Variants in PAQR7 observed in about 807,000 individuals in gnomAD.
The protein encoded by PAQR7 is membrane progestin receptor alpha.
PAQR7 carries 14 observed loss-of-function variants against 24.6 expected under a neutral mutation model. That is an observed-to-expected ratio of 0.57 (90% CI 0.38 to 0.89). The LOEUF (loss-of-function observed/expected upper bound fraction) is 0.89. Among genes scored for constraint, PAQR7 ranks in the 40% least tolerant of loss-of-function variants. PAQR7 has a pLI of 0.00. For synonymous variants in PAQR7, 189 were observed against 198.8 expected (o/e 0.95, Z 0.42); for missense variants, 351 against 444.0 (o/e 0.79, Z 1.88).
chr1:25,874,522 A>T (rs2048633050), intron 1 of PAQR7, among the ~76,000 whole-genome samples: 1 of 152,128 alleles, frequency 6.6e-6, no homozygotes. Context: ...CTGGACAGAG[A>T]AACTAAGGCT....
At position 25,863,191 on chromosome 1, in the gene PAQR7, C is replaced by A; in HGVS notation, c.649G>T (p.Asp217Tyr). Reference sequence around the variant, plus strand: ...ATACGATGCACCACAGGACTAATGTCCAGTGCGTAGGCCAGGACGGAGGGC... The same window carrying A: ...ATACGATGCACCACAGGACTAATGTACAGTGCGTAGGCCAGGACGGAGGGC... ...EVPSVLAYAL[D>Y]ISPVVHRIFV... The change falls in exon 3 of 3, where the codon GAC becomes TAC. Residue 217 changes from aspartate to tyrosine, a missense_variant. Transcript: ENST00000675840. The surrounding 1 kb of genome is among the most constrained non-coding windows in gnomAD (Gnocchi z 6.1). 1.2e-6 allele frequency: 2 copies of A among 1,614,216 alleles called. No individual in the cohort carries two copies. Among genetic ancestry groups the A allele is most frequent in the Non-Finnish European group, 1.7e-6 (2 of 1,180,044 alleles).
Position 25,862,791 on chromosome 1 carries a change from A to G in PAQR7, c.*8T>C, listed in dbSNP as rs1297620249. 1.2e-6 allele frequency: 2 copies of G among 1,609,468 alleles called. No individual in the cohort carries two copies. Among genetic ancestry groups the G allele is most frequent in the Non-Finnish European group, 1.7e-6 (2 of 1,177,092 alleles). On this transcript the variant is annotated 3_prime_UTR_variant, in exon 3 of 3. Transcript: ENST00000675840. ...TATACCTCCCTCCCTACCAGATGCC[A>G]TCCCCCTTCACTTGGTCTTCTGATC...
In PAQR7 at chr1:25,862,733, C is replaced by G; in HGVS notation, c.*66G>C. 3 of 1,501,328 alleles carry G rather than the reference C, an allele frequency of 2.0e-6. No individual in the cohort carries two copies. The highest frequency in any genetic ancestry group is 2.7e-6 in the Non-Finnish European group (3 of 1,103,290). The allele number at this position is 1,501,328 out of a possible 1,614,324, so 93.0% of individuals were successfully genotyped here. On this transcript the variant is annotated 3_prime_UTR_variant, in exon 3 of 3. Transcript: ENST00000675840. ...ACAACTTTACCAGGCCTTGTTCCCA[C>G]CTGGAGCCAAACCCAGACCCCTGTC...
chr1:25,868,280 G>A lies in PAQR7; in HGVS notation c.-23+2329C>T, dbSNP rs530427302. On this transcript the variant is annotated intron_variant, in intron 2 of 2. Coordinates refer to ENST00000675840, the MANE Select transcript of PAQR7 (RefSeq NM_178422.6). The stretch of plus-strand genomic sequence containing the variant: ...AGCAAGGTTTCTATTCCACTACTGC[G>A]GCAAAGACCAGCGAATGATGGCGAT... Among the ~76,000 whole-genome samples, 10 of 152,278 alleles carry A rather than the reference G, an allele frequency of 6.6e-5. No individual in the cohort carries two copies. The East Asian group carries it at 7.7e-4, about 12-fold the overall frequency.
chr1:25,872,202 G>A (rs1400502677), intron 1 of PAQR7, among the ~76,000 whole-genome samples: 3 of 152,202 alleles, frequency 2.0e-5, no homozygotes, highest in Non-Finnish European at 4.4e-5. Flanking sequence ...GATGCCAGGT[G>A]TTGGCTCTGG....
chr1:25,868,815 C>T (rs772715272), intron 2 of PAQR7, among the ~76,000 whole-genome samples: 7 of 151,504 alleles, frequency 4.6e-5, no homozygotes, highest in Admixed American at 6.6e-5. Flanking sequence ...GGATTCCTTC[C>T]GTAGTAATAA....
chr1:25,865,291 T>C (rs1024808401), intron 2 of PAQR7, among the ~76,000 whole-genome samples: 1 of 152,242 alleles, frequency 6.6e-6, no homozygotes, highest in Admixed American at 6.5e-5. Flanking sequence ...TGATTGTTCA[T>C]GTGAGCTCAT....
intron 2 of PAQR7, among the ~76,000 whole-genome samples, chr1:25,867,579 T>C (rs928320733): frequency 6.6e-6 from 1 of 152,334 alleles, no homozygotes; most frequent in African/African-American, 2.4e-5. Context: ...TTATTGTGAC[T>C]ACCTCTGCAC....
intron 1 of PAQR7, among the ~76,000 whole-genome samples, chr1:25,872,722 G>C (rs555746784): frequency 6.7e-6 from 1 of 149,878 alleles, no homozygotes; most frequent in African/African-American, 2.5e-5. Flanking sequence ...TGTTGCCCAG[G>C]CTGGTCTCGA....
intron 1 of PAQR7, among the ~76,000 whole-genome samples, chr1:25,873,301 C>A (rs951932341): frequency 3.9e-5 from 6 of 152,226 alleles, no homozygotes; most frequent in African/African-American, 1.4e-4. Flanking sequence ...CCAAAACCAG[C>A]GCTCTTGCCC....
chr1:25,869,569 A>T (rs1232641364), intron 2 of PAQR7, among the ~76,000 whole-genome samples: 7 of 7,092 alleles, frequency 9.9e-4, no homozygotes, highest in African/African-American at 2.4e-3. Flanking sequence ...GAGACTCTCT[A>T]AAAAAAAAAA....
chr1:25,862,678 G>T lies in PAQR7; in HGVS notation c.*121C>A. 1 of 1,093,624 alleles carries T rather than the reference G, an allele frequency of 9.1e-7. No homozygotes were observed. Among genetic ancestry groups the T allele is most frequent in the Non-Finnish European group, 1.3e-6 (1 of 762,162 alleles). The allele number at this position is 1,093,624 out of a possible 1,614,324, so 67.7% of individuals were successfully genotyped here. On this transcript the variant is annotated 3_prime_UTR_variant, in exon 3 of 3. Transcript: ENST00000675840. ...GTGATGCCCTTGGCAGTTGAGTCGT[G>T]CACAGAGAGTCACTGTGGGCCAGAC...
In PAQR7 at chr1:25,874,085, G is replaced by A. The variant is rs997320363; in HGVS notation, c.-109+1403C>T. ...TTTAGTAGAGATGGGGTTTCTCCATGTTGGTCAGGCTGGTCTCAAACTCCC... is the reference window on the plus strand; with the variant it reads ...TTTAGTAGAGATGGGGTTTCTCCATATTGGTCAGGCTGGTCTCAAACTCCC... On this transcript the variant is annotated intron_variant, in intron 1 of 2. Transcript: ENST00000675840. Among the ~76,000 whole-genome samples, 4 of 151,688 alleles carry A rather than the reference G, an allele frequency of 2.6e-5. No homozygotes were observed. In the East Asian group the frequency reaches 7.7e-4, roughly 29 times the overall value.
At chr1:25,866,103 T>G (rs948417562) in intron 2 of PAQR7, among the ~76,000 whole-genome samples, 2 of 151,940 alleles carry the variant, frequency 1.3e-5, no homozygotes, top group African/African-American at 4.8e-5. Context: ...ATTTAACAAC[T>G]GATGAACCAC....
intron 2 of PAQR7, among the ~76,000 whole-genome samples, chr1:25,867,726 C>T (rs1330278779): frequency 2.0e-5 from 3 of 152,238 alleles, no homozygotes; most frequent in Non-Finnish European, 4.4e-5. Context: ...GCTTGCTATG[C>T]AAGGGCAGCA....
In PAQR7 at chr1:25,875,506, G is replaced by A. The variant is rs1572284422; in HGVS notation, c.-127C>T. Reference sequence around the variant, plus strand: ...CCCGTACCTGAGCCGGAGCCGAGCTGGGAGGGCCGCGGGGGCCGGGTCGGC... The same window carrying A: ...CCCGTACCTGAGCCGGAGCCGAGCTAGGAGGGCCGCGGGGGCCGGGTCGGC... On this transcript the variant is annotated 5_prime_UTR_variant, in exon 1 of 3. Coordinates refer to ENST00000675840, the MANE Select transcript of PAQR7 (RefSeq NM_178422.6). This position sits in a 1 kb window ranked among gnomAD's most constrained non-coding sequence, Gnocchi z 5.4. 2.0e-5 allele frequency among the ~76,000 whole-genome samples: 3 copies of A among 152,218 alleles called. No individual in the cohort carries two copies. In the East Asian group the frequency reaches 5.8e-4, roughly 30 times the overall value.
At position 25,875,602 on chromosome 1, in the gene PAQR7, G is replaced by A. The variant is rs992653167; in HGVS notation, c.-223C>T. 2.3e-4 allele frequency among the ~76,000 whole-genome samples: 35 copies of A among 151,420 alleles called. No individual in the cohort carries two copies. Among genetic ancestry groups the A allele is most frequent in the Non-Finnish European group, 3.8e-4 (26 of 67,754 alleles). Reference sequence around the variant, plus strand: ...GCCGGGGGAGGGCGGGCGGCCTCGGGCGCTCTGGCTACAGCCGCCTCCGCG... The same window carrying A: ...GCCGGGGGAGGGCGGGCGGCCTCGGACGCTCTGGCTACAGCCGCCTCCGCG... On this transcript the variant is annotated 5_prime_UTR_variant, in exon 1 of 3. Coordinates refer to ENST00000675840, the MANE Select transcript of PAQR7 (RefSeq NM_178422.6). This position sits in a 1 kb window ranked among gnomAD's most constrained non-coding sequence, Gnocchi z 5.4.
intron 1 of PAQR7, among the ~76,000 whole-genome samples, chr1:25,872,035 G>A (rs576278361): frequency 6.6e-6 from 1 of 152,210 alleles, no homozygotes; most frequent in African/African-American, 2.4e-5. Flanking sequence ...GACGCCACAG[G>A]CCTCATTTTT....
At chr1:25,865,776 C>A (rs2048552098) in intron 2 of PAQR7, among the ~76,000 whole-genome samples, 2 of 152,084 alleles carry the variant, frequency 1.3e-5, no homozygotes, top group African/African-American at 4.8e-5. Context: ...CACTGCACTC[C>A]AGCCTGGGCG....
Sources: allele counts gnomAD v4.1 joint callset (sites outside exome capture counted in the v4.1 genomes callset), GRCh38; gene constraint gnomAD v4.1.1; non-coding constraint Gnocchi (gnomAD v3.1); transcripts MANE v1.5; gene names NCBI Gene and HGNC (gene_info 2026-07-23, HGNC 2026-07-21).